CPT1C: variants seen among roughly 807,000 people sequenced by gnomAD.
CPT1C encodes carnitine palmitoyltransferase 1C.
CPT1C carries 61 observed loss-of-function variants against 97.3 expected under a neutral mutation model. The ratio of observed to expected loss-of-function variants is 0.63; its 90% confidence interval spans 0.51 to 0.78. CPT1C has a LOEUF of 0.78. Ranked by LOEUF, CPT1C falls within the 30% of genes least tolerant of loss-of-function variation. The pLI is 0.00. For missense variants in CPT1C, 975 were observed against 1,065.5 expected (o/e 0.92, Z 1.18); for synonymous variants, 469 against 447.2 (o/e 1.05, Z -0.61).
At chr19:49,710,577 C>T in intron 15 of CPT1C, 93 bp downstream of exon 15, 1 of 1,572,494 alleles carries the variant, frequency 6.4e-7, no homozygotes, top group Non-Finnish European at 8.7e-7. Flanking sequence ...TGGTCGCTGC[C>T]ATTGTGGGTC....
At chr19:49,692,042 T>C in intron 2 of CPT1C, 153 bp downstream of exon 2, 2 of 535,280 alleles carry the variant, frequency 3.7e-6, no homozygotes, top group Non-Finnish European at 6.5e-6. Flanking sequence ...CTCCTGGATC[T>C]GAGAGAGGAG....
intron 3 of CPT1C, among the ~76,000 whole-genome samples, chr19:49,697,116 T>TTGGA (rs2123179108): frequency 6.6e-6 from 1 of 152,314 alleles, no homozygotes; most frequent in South Asian, 2.1e-4. Flanking sequence ...ACAGGGCTCC[T>TTGGA]CCTATTTCTT....
Position 49,713,480 on chromosome 19 carries a change from C to G in CPT1C, c.2287C>G (p.Gln763Glu). ...DALLDVASLF[Q>E]AGQHFKRRFR... ...ACTGCTGGATGTGGCCTCCCTGTTCCAGGCGGGACAGCATTTTAAGCGCCG... is the reference window on the plus strand; with the variant it reads ...ACTGCTGGATGTGGCCTCCCTGTTCGAGGCGGGACAGCATTTTAAGCGCCG... The change falls in exon 20 of 20, where the codon CAG becomes GAG. Residue 763 changes from glutamine (Q) to glutamate (E), a missense_variant. By Grantham distance (29) the Gln-to-Glu change is conservative. Transcript: ENST00000598293. 1 of 1,614,236 alleles carries G rather than the reference C, an allele frequency of 6.2e-7. No homozygotes were observed. The highest frequency in any genetic ancestry group is 8.5e-7 in the Non-Finnish European group (1 of 1,180,044).
intron 13 of CPT1C, 55 bp downstream of exon 13, chr19:49,707,678 C>A: frequency 8.2e-7 from 1 of 1,213,236 alleles, no homozygotes; most frequent in Non-Finnish European, 1.2e-6. Flanking sequence ...CTCCAAAGAC[C>A]GTCCTCTCCA....
In CPT1C at chr19:49,697,373, T is replaced by C. The variant is rs544831365; in HGVS notation, c.189T>C (p.Leu63=). The part of the protein sequence containing the change: ...GVFPASPLSW[L]FLFSAIQLAW... ...TTCCTGCCAGCCCCCTCAGTTGGCT[T>C]TTCCTCTTCAGTGCCATCCAGCTTG... Residue 63 remains leucine (L), a synonymous_variant, in exon 4 of 20, where the codon CTT becomes CTC. Transcript: ENST00000598293. The C allele has an allele frequency of 4.6e-5, 74 of 1,614,134 alleles. No individual in the cohort carries two copies. In the South Asian group the frequency reaches 7.6e-4, roughly 17 times the overall value.
chr19:49,710,206 A>G, intron 14 of CPT1C, 114 bp from the exon 15 acceptor site: 2 of 1,013,464 alleles, frequency 2.0e-6, no homozygotes, highest in Non-Finnish European at 3.0e-6. Flanking sequence ...CCCCATTTCC[A>G]TATTCTGCCG....
At position 49,701,594 on chromosome 19, in the gene CPT1C, A is replaced by G. The variant is rs1482400047; in HGVS notation, c.653A>G (p.Gln218Arg). 6.2e-7 allele frequency: 1 copy of G among 1,611,434 alleles called. No homozygotes were observed. The highest frequency in any genetic ancestry group is 8.5e-7 in the Non-Finnish European group (1 of 1,178,582). The change falls in exon 7 of 20, where the codon CAG becomes CGG. Residue 218 changes from glutamine to arginine, a missense_variant. Physicochemically the swap from Gln to Arg is conservative, Grantham distance 43. This residue lies in a region of CPT1C where 596 missense variants were observed against 603.1 expected (regional missense o/e 0.99). Coordinates refer to ENST00000598293, the MANE Select transcript of CPT1C (RefSeq NM_001199753.2). ...EFLRLQASLL[Q>R]WYLRLKSWWA... is the part of the protein sequence containing the mutation. Reference sequence around the variant, plus strand: ...CTGAGGCTGCAGGCGTCGCTGCTGCAGTGGTACCTGCGGCTCAAGTCCTGG... The same window carrying G: ...CTGAGGCTGCAGGCGTCGCTGCTGCGGTGGTACCTGCGGCTCAAGTCCTGG...
chr19:49,710,910 C>G, intron 16 of CPT1C, 53 bp downstream of exon 16: 1 of 1,556,564 alleles, frequency 6.4e-7, no homozygotes, highest in Non-Finnish European at 8.8e-7. Context: ...CTCACTCATC[C>G]ACTTGCAAAC....
In CPT1C at chr19:49,712,850, G is replaced by A. The variant is rs766484159; in HGVS notation, c.2133+1G>A. The stretch of plus-strand genomic sequence containing the variant: ...TTCCTCAGGCGGTGGATTCGGGCCT[G>A]TGAGTGGAGCTGGGCGCGCTGGCCC... On this transcript the variant is annotated splice_donor_variant, in intron 18 of 19. Transcript: ENST00000598293. LOFTEE classifies it high-confidence loss of function. 5 of 1,464,040 alleles carry A rather than the reference G, an allele frequency of 3.4e-6. No individual in the cohort carries two copies. The highest frequency in any genetic ancestry group is 4.5e-6 in the Non-Finnish European group (5 of 1,112,998). 90.7% of individuals were successfully genotyped at this position (1,464,040 alleles called of 1,614,324 possible).
intron 4 of CPT1C, 68 bp downstream of exon 4, chr19:49,697,533 C>A: frequency 6.5e-7 from 1 of 1,546,556 alleles, no homozygotes; most frequent in South Asian, 1.2e-5. Flanking sequence ...GTTCCTCTGT[C>A]ATTGTGGTGT....
chr19:49,705,362 C>G (rs1398217019), intron 10 of CPT1C, 64 bp downstream of exon 10: 4 of 1,360,110 alleles, frequency 2.9e-6, no homozygotes, highest in Non-Finnish European at 4.1e-6. Context: ...AGCATGTTTT[C>G]TGGAGTCCGC....
intron 4 of CPT1C, among the ~76,000 whole-genome samples, chr19:49,698,573 T>G (rs1442837767): frequency 6.6e-6 from 1 of 150,392 alleles, no homozygotes; most frequent in East Asian, 2.0e-4. Context: ...TAAGGCAGGA[T>G]AATCACTTGA....
At chr19:49,695,950 C>T (rs1486618210) in intron 3 of CPT1C, among the ~76,000 whole-genome samples, 1 of 152,012 alleles carries the variant, frequency 6.6e-6, no homozygotes, top group Admixed American at 6.6e-5. Context: ...GATCTTGGCT[C>T]ACTGCAACCT....
At chr19:49,707,709 A>G in intron 13 of CPT1C, 86 bp downstream of exon 13, 1 of 882,260 alleles carries the variant, frequency 1.1e-6, no homozygotes, top group Non-Finnish European at 1.7e-6. Context: ...GTCAGAAGAA[A>G]AACTGAGGCT....
chr19:49,699,767 C>T (rs2082891152), intron 4 of CPT1C, among the ~76,000 whole-genome samples: 1 of 152,058 alleles, frequency 6.6e-6, no homozygotes, highest in African/African-American at 2.4e-5. Flanking sequence ...GCCGCCTGGC[C>T]AATGTGGTGA....
At chr19:49,696,063 G>A (rs2082652507) in intron 3 of CPT1C, among the ~76,000 whole-genome samples, 1 of 152,070 alleles carries the variant, frequency 6.6e-6, no homozygotes, top group African/African-American at 2.4e-5. Flanking sequence ...TTTTAGTAGA[G>A]ATGGGGTTTT....
chr19:49,701,698 A>C (rs2083071973), intron 7 of CPT1C, 64 bp downstream of exon 7: 1 of 1,495,872 alleles, frequency 6.7e-7, no homozygotes, highest in Non-Finnish European at 9.0e-7. Context: ...TCGCCTGCTA[A>C]ACTTGCGAGT....
At chr19:49,709,715 C>T (rs1050508342) in intron 14 of CPT1C, among the ~76,000 whole-genome samples, 1 of 151,910 alleles carries the variant, frequency 6.6e-6, no homozygotes, top group Non-Finnish European at 1.5e-5. Flanking sequence ...CTACCACACC[C>T]GGCTAAATTT....
chr19:49,697,516 C>T, intron 4 of CPT1C, 51 bp downstream of exon 4: 1 of 1,582,424 alleles, frequency 6.3e-7, no homozygotes. Flanking sequence ...CTCCCTTCAC[C>T]CAGTAAGTTC....
Sources: gnomAD v4.1 joint callset for allele counts (sites outside exome capture counted in the v4.1 genomes callset) on GRCh38, gnomAD v4.1.1 for gene constraint, gnomAD v4.1.1 regional missense constraint, MANE v1.5 for transcripts, NCBI Gene and HGNC (gene_info 2026-07-23, HGNC 2026-07-21) for gene names.